Variants in SAMMSON observed in about 807,000 individuals in gnomAD.
The protein encoded by SAMMSON is long intergenic non-protein coding RNA 1212.
At position 70,075,731 on chromosome 3, in the gene SAMMSON, A is replaced by G. The variant is rs149026965; in HGVS notation, n.507+4166A>G. The stretch of plus-strand genomic sequence containing the variant: ...ATTTCCAAATGTTATTCTGAAAAGC[A>G]AGGAAAAGGATTTCAGACAAACTCA... On this transcript the variant is annotated intron_variant and non_coding_transcript_variant, in intron 4 of 9. Coordinates refer to ENST00000642114, the Ensembl canonical transcript of SAMMSON. 7.1e-3 allele frequency among the ~76,000 whole-genome samples: 1,074 copies of G among 152,304 alleles called. 10 individuals are homozygous for G. The highest frequency in any genetic ancestry group is 0.023 in the African/African-American group (947 of 41,576).
At chr3:70,030,671 C>T (rs2067061291) in intron 3 of SAMMSON, 2 of 152,094 alleles carry the variant, frequency 1.3e-5, no homozygotes, top group South Asian at 4.1e-4. Flanking sequence ...GTTTGTCTAA[C>T]ACCAAAACCC....
At chr3:70,325,037 T>G (rs887194363) in intron 7 of SAMMSON, among the ~76,000 whole-genome samples, 3 of 152,006 alleles carry the variant, frequency 2.0e-5, no homozygotes, top group African/African-American at 7.2e-5. Context: ...GGTTCTTAAC[T>G]CCGGTGTTTA....
At chr3:70,193,031 A>G (rs763828687) in intron 4 of SAMMSON, among the ~76,000 whole-genome samples, 1 of 152,164 alleles carries the variant, frequency 6.6e-6, no homozygotes, top group Non-Finnish European at 1.5e-5. Flanking sequence ...CCATTGTGAC[A>G]TCAATTGTCT....
At chr3:70,338,851 C>T (rs1702686854) in intron 7 of SAMMSON, among the ~76,000 whole-genome samples, 1 of 152,134 alleles carries the variant, frequency 6.6e-6, no homozygotes, top group Admixed American at 6.6e-5. Context: ...GATTCAATGA[C>T]ATCCCCATCA....
intron 4 of SAMMSON, chr3:70,126,512 A>G (rs1260094471): frequency 2.3e-5 from 14 of 620,184 alleles, no homozygotes; most frequent in Non-Finnish European, 3.9e-5. Context: ...CTCAGCTGGC[A>G]GGTGCCTCAC....
chr3:70,106,860 C>G (rs2106658053), intron 4 of SAMMSON, among the ~76,000 whole-genome samples: 1 of 152,128 alleles, frequency 6.6e-6, no homozygotes, highest in African/African-American at 2.4e-5. Context: ...AAAATTAATC[C>G]CCAGTACTGC....
intron 7 of SAMMSON, among the ~76,000 whole-genome samples, chr3:70,340,081 A>C (rs554622574): frequency 4.6e-5 from 7 of 152,208 alleles, no homozygotes; most frequent in South Asian, 2.1e-4. Flanking sequence ...GCCATAAAAA[A>C]TGATGAGTTC....
At chr3:70,208,520 T>A (rs923106846) in intron 4 of SAMMSON, among the ~76,000 whole-genome samples, 9 of 152,102 alleles carry the variant, frequency 5.9e-5, no homozygotes, top group African/African-American at 2.2e-4. Context: ...TTTAAAGCTC[T>A]GGTATTCCCC....
intron 6 of SAMMSON, chr3:70,272,157 T>A (rs1168435778): frequency 6.6e-6 from 1 of 152,226 alleles, no homozygotes; most frequent in Non-Finnish European, 1.5e-5. Context: ...GTATATGTAA[T>A]GTACATACAA....
At chr3:70,022,370 A>G (rs1234478819) in intron 3 of SAMMSON, among the ~76,000 whole-genome samples, 1 of 149,758 alleles carries the variant, frequency 6.7e-6, no homozygotes, top group Non-Finnish European at 1.5e-5. Flanking sequence ...ACATGTATAC[A>G]TATGTAACAA....
chr3:70,292,291 G>A (rs6549330), intron 7 of SAMMSON, among the ~76,000 whole-genome samples: 40,399 of 151,882 alleles, frequency 0.27, 5,907 homozygotes, highest in East Asian at 0.44. Context: ...TTATTTGATT[G>A]TTTATAATAT....
At chr3:70,038,402 A>G (rs2067094377) in intron 3 of SAMMSON, among the ~76,000 whole-genome samples, 1 of 151,970 alleles carries the variant, frequency 6.6e-6, no homozygotes, top group South Asian at 2.1e-4. Flanking sequence ...TTCTGCCAGG[A>G]GTTGAAGTAA....
chr3:70,338,582 TCA>T (rs1156555887), intron 7 of SAMMSON, among the ~76,000 whole-genome samples: 2 of 151,982 alleles, frequency 1.3e-5, no homozygotes, highest in East Asian at 3.9e-4. Flanking sequence ...AGTGCAAAAA[TCA>T]CAAGCATTCC....
chr3:70,408,778 T>C (rs1015328326), intron 2 of SAMMSON, among the ~76,000 whole-genome samples: 3 of 152,328 alleles, frequency 2.0e-5, no homozygotes, highest in East Asian at 1.9e-4. Context: ...TTCCACATTT[T>C]CAGGTATCTT....
intron 4 of SAMMSON, among the ~76,000 whole-genome samples, chr3:70,228,504 C>A (rs1315746439): frequency 6.6e-6 from 1 of 151,700 alleles, no homozygotes; most frequent in African/African-American, 2.4e-5. Flanking sequence ...GGGAGAAGGA[C>A]CCCTGTTATA....
intron 6 of SAMMSON, among the ~76,000 whole-genome samples, chr3:70,267,573 T>TTG (rs1166579176): frequency 0.018 from 1,813 of 103,598 alleles, 64 homozygotes; most frequent in Non-Finnish European, 0.026. Flanking sequence ...CGGCTAATTT[T>TTG]TTGTATTTTT....
At chr3:70,016,781 A>T (rs2066987995) in intron 3 of SAMMSON, among the ~76,000 whole-genome samples, 2 of 152,274 alleles carry the variant, frequency 1.3e-5, no homozygotes, top group Admixed American at 1.3e-4. Context: ...TAAGGAAGAG[A>T]TCCACTTTCA....
intron 3 of SAMMSON, among the ~76,000 whole-genome samples, chr3:70,042,469 G>A (rs1249441763): frequency 1.3e-5 from 2 of 151,922 alleles, no homozygotes; most frequent in Non-Finnish European, 2.9e-5. Flanking sequence ...TTTTGTTGTT[G>A]TTGTTGTTTT....
chr3:70,165,306 C>G (rs1559526508), intron 4 of SAMMSON, among the ~76,000 whole-genome samples: 2 of 151,962 alleles, frequency 1.3e-5, no homozygotes, highest in Non-Finnish European at 2.9e-5. Flanking sequence ...TCCCCAGATT[C>G]ATGTTGAAAA....
Sources: allele counts gnomAD v4.1 joint callset (sites outside exome capture counted in the v4.1 genomes callset), GRCh38; gene constraint gnomAD v4.1.1; transcripts MANE v1.5; gene names NCBI Gene and HGNC (gene_info 2026-07-23, HGNC 2026-07-21).